ATL3: variants seen among roughly 807,000 people sequenced by gnomAD.
ATL3 encodes the protein atlastin GTPase 3.
Under a neutral mutation model 69.5 loss-of-function variants are expected in ATL3, and 49 were observed. The ratio of observed to expected loss-of-function variants is 0.71; its 90% confidence interval spans 0.56 to 0.89. ATL3 has a LOEUF of 0.89. Ranked by LOEUF, ATL3 falls within the 40% of genes least tolerant of loss-of-function variation. The pLI is 0.00. For missense variants in ATL3, 606 were observed against 645.7 expected, an observed-to-expected ratio of 0.94 and a Z score of 0.67; for synonymous variants, 214 against 224.1, an observed-to-expected ratio of 0.95 and a Z score of 0.40.
At chr11:63,668,122 T>A (rs1940635332) in intron 1 of ATL3, among the ~76,000 whole-genome samples, 1 of 152,218 alleles carries the variant, frequency 6.6e-6, no homozygotes. Context: ...TAGATTCATG[T>A]ATGACTCAGG....
chr11:63,647,998 G>T (rs1939940668), intron 5 of ATL3, among the ~76,000 whole-genome samples: 1 of 152,176 alleles, frequency 6.6e-6, no homozygotes, highest in Non-Finnish European at 1.5e-5. Flanking sequence ...AGGTGTAGGA[G>T]TCCAGCTGAC....
intron 10 of ATL3, 96 bp downstream of exon 10, chr11:63,635,438 A>T: frequency 9.0e-7 from 1 of 1,105,882 alleles, no homozygotes; most frequent in Non-Finnish European, 1.3e-6. Flanking sequence ...AAAAAGGAGA[A>T]AAAGTGCATT....
chr11:63,636,345 G>C lies in ATL3; in HGVS notation c.851-11C>G. 6.2e-7 allele frequency: 1 copy of C among 1,613,650 alleles called. No individual in the cohort carries two copies. Among genetic ancestry groups the C allele is most frequent in the Non-Finnish European group, 8.5e-7 (1 of 1,179,904 alleles). ...ATTCACCAGCAATATCTGTTCACAG[G>C]ACGACAAAGAAGGGAAAAATAAGCC... On this transcript the variant is annotated splice_polypyrimidine_tract_variant and intron_variant, in intron 8 of 12. Transcript: ENST00000398868.
upstream of ATL3, chr11:63,671,681 C>T (rs376392153): frequency 3.2e-5 from 43 of 1,339,918 alleles, 1 homozygote; most frequent in East Asian, 1.6e-3. Flanking sequence ...GAATTGTAGT[C>T]CCGCGCTCAC....
chr11:63,668,991 CT>C (rs1030555719), intron 1 of ATL3, among the ~76,000 whole-genome samples: 9 of 121,870 alleles, frequency 7.4e-5, no homozygotes, highest in Non-Finnish European at 1.2e-4. Context: ...CGTTGGCTAA[CT>C]TTTTTTTAAT....
At chr11:63,655,011 C>A (rs928365941) in intron 3 of ATL3, among the ~76,000 whole-genome samples, 2 of 151,794 alleles carry the variant, frequency 1.3e-5, no homozygotes, top group African/African-American at 4.8e-5. Flanking sequence ...TTTATGTCTG[C>A]AAATTTTTGA....
intron 1 of ATL3, among the ~76,000 whole-genome samples, chr11:63,671,038 A>G (rs942404869): frequency 9.3e-4 from 141 of 152,228 alleles, no homozygotes; most frequent in African/African-American, 3.2e-3. Flanking sequence ...CGGCGGCACC[A>G]GGGCCCGAGC....
chr11:63,639,511 C>G (rs932998909), intron 8 of ATL3, among the ~76,000 whole-genome samples: 2 of 152,138 alleles, frequency 1.3e-5, no homozygotes, highest in Non-Finnish European at 2.9e-5. Flanking sequence ...CTTTGAGAAG[C>G]TGAAGTGGAA....
At chr11:63,632,761 C>A in intron 11 of ATL3, 1 of 972,404 alleles carries the variant, frequency 1.0e-6, no homozygotes, top group Non-Finnish European at 1.6e-6. Flanking sequence ...TTGTCTCCTG[C>A]TCATGTGAAT....
In ATL3 at chr11:63,643,257, G is replaced by A; in HGVS notation, c.850+100C>T. ...TTTAAATACTACTCTTTCTAAGAGA[G>A]CATACCATTTTTCTTAAGCATTCAC... On this transcript the variant is annotated intron_variant, in intron 8 of 12. Coordinates refer to ENST00000398868, the MANE Select transcript of ATL3 (RefSeq NM_015459.5). 4.7e-6 allele frequency: 6 copies of A among 1,275,062 alleles called. No individual in the cohort carries two copies. The South Asian group carries it at 6.4e-5, about 14-fold the overall frequency. 79.0% of individuals were successfully genotyped at this position (1,275,062 alleles called of 1,614,324 possible). A position where few individuals can be genotyped will look rare whatever the true frequency, so the allele number is the denominator to read the frequency against.
Position 63,659,157 on chromosome 11 carries a change from T to TG in ATL3, c.141dup (p.Ser48GlnfsTer12), listed in dbSNP as rs1565282056. The stretch of plus-strand genomic sequence containing the variant: ...CGGATGTGGTCCTGCAAGAGGATGC[T>TG]GGCCAAGGCTTTCTCATCTAGCTCA... On this transcript the variant is annotated frameshift_variant, in exon 2 of 13. Coordinates refer to ENST00000398868, the MANE Select transcript of ATL3 (RefSeq NM_015459.5). LOFTEE classifies it high-confidence loss of function. 1 of 1,614,186 alleles carries TG rather than the reference T, an allele frequency of 6.2e-7. No homozygotes were observed.
chr11:63,645,928 C>T (rs907311980), intron 6 of ATL3, among the ~76,000 whole-genome samples: 23 of 151,962 alleles, frequency 1.5e-4, no homozygotes, highest in African/African-American at 5.3e-4. Context: ...CCACCACGCC[C>T]AGCTGATTTT....
intron 3 of ATL3, among the ~76,000 whole-genome samples, chr11:63,653,894 G>A (rs1261944508): frequency 3.9e-5 from 6 of 152,126 alleles, no homozygotes; most frequent in South Asian, 2.1e-4. Context: ...TGACTATTCC[G>A]TATGATACAG....
intron 10 of ATL3, among the ~76,000 whole-genome samples, chr11:63,634,625 A>C (rs148431653): frequency 7.2e-5 from 11 of 152,358 alleles, no homozygotes; most frequent in Admixed American, 6.5e-4. Flanking sequence ...TGTTCAACAT[A>C]TGAAAGTCAA....
chr11:63,671,463 G>A, upstream of ATL3: 1 of 1,479,064 alleles, frequency 6.8e-7, no homozygotes, highest in Non-Finnish European at 8.9e-7. Flanking sequence ...CTAGCCAGAA[G>A]GTGGGGCACG....
intron 11 of ATL3, chr11:63,632,183 C>G: frequency 1.9e-6 from 1 of 520,190 alleles, no homozygotes; most frequent in African/African-American, 1.9e-5. Context: ...AATTATAGAA[C>G]AGATCTATGA....
chr11:63,667,750 C>T (rs192525345), intron 1 of ATL3, among the ~76,000 whole-genome samples: 26 of 143,816 alleles, frequency 1.8e-4, no homozygotes, highest in East Asian at 1.6e-3. Flanking sequence ...GGTGACAGAG[C>T]GAGACTCTGT....
chr11:63,637,832 T>C (rs762136753), intron 8 of ATL3: 1 of 152,128 alleles, frequency 6.6e-6, no homozygotes, highest in Non-Finnish European at 1.5e-5. Context: ...ATGGGAAAAA[T>C]ACTTTATAAC....
intron 3 of ATL3, among the ~76,000 whole-genome samples, chr11:63,653,276 G>A (rs991649672): frequency 1.3e-5 from 2 of 152,074 alleles, no homozygotes; most frequent in Admixed American, 6.6e-5. Flanking sequence ...AGACCAGCCC[G>A]GCTAACATGG....
Sources: gnomAD v4.1 joint callset for allele counts (sites outside exome capture counted in the v4.1 genomes callset) on GRCh38, gnomAD v4.1.1 for gene constraint, MANE v1.5 for transcripts, NCBI Gene and HGNC (gene_info 2026-07-23, HGNC 2026-07-21) for gene names.